NCAPG2: variants seen among roughly 807,000 people sequenced by gnomAD.
NCAPG2 encodes the protein non-SMC condensin II complex subunit G2, also known as condensin-2 complex subunit G2.
Under a neutral mutation model 141.1 loss-of-function variants are expected in NCAPG2, and 53 were observed. That is an observed-to-expected ratio of 0.38 (90% confidence interval 0.30 to 0.47). The LOEUF is 0.47. Ranked by LOEUF, NCAPG2 falls within the 20% of genes least tolerant of loss-of-function variation. NCAPG2 has a pLI of 0.99. For synonymous variants in NCAPG2, 499 were observed against 490.7 expected (o/e 1.02, Z -0.22); for missense variants, 1,087 against 1,389.0 (o/e 0.78, Z 3.46).
intron 13 of NCAPG2, among the ~76,000 whole-genome samples, chr7:158,665,972 G>A (rs983706591): frequency 6.7e-6 from 1 of 148,980 alleles, no homozygotes; most frequent in African/African-American, 2.5e-5. Flanking sequence ...AATCCCACAC[G>A]GGGCAGTTTA....
At chr7:158,645,101 CTAAGGCTTACGA>C (rs1830913285) in intron 26 of NCAPG2, among the ~76,000 whole-genome samples, 1 of 152,154 alleles carries the variant, frequency 6.6e-6, no homozygotes, top group African/African-American at 2.4e-5. Context: ...ATAGGCAAGG[CTAAGGCTTACGA>C]GAAATAGTAG....
chr7:158,670,038 G>GT (rs1295012330), intron 13 of NCAPG2, among the ~76,000 whole-genome samples: 2 of 151,970 alleles, frequency 1.3e-5, no homozygotes, highest in African/African-American at 4.8e-5. Context: ...AAGACTTACT[G>GT]TAAGATCCAC....
At chr7:158,692,289 AG>A (rs1274938295) in intron 4 of NCAPG2, among the ~76,000 whole-genome samples, 4 of 149,754 alleles carry the variant, frequency 2.7e-5, no homozygotes, top group African/African-American at 9.9e-5. Context: ...CATAGGCAAC[AG>A]GGCGAGATTC....
Position 158,631,542 on chromosome 7 carries a change from CA to C in NCAPG2, c.*123del. On this transcript the variant is annotated 3_prime_UTR_variant, in exon 28 of 28. Coordinates refer to ENST00000356309, the MANE Select transcript of NCAPG2 (RefSeq NM_017760.7). Reference sequence around the variant, plus strand: ...TAACCCCCACCTTCCCACATTCCCACAAAAAAATCCCACCCTTTCCCTATTA... The same window carrying C: ...TAACCCCCACCTTCCCACATTCCCACAAAAAATCCCACCCTTTCCCTATTA... 3 of 979,596 alleles carry C rather than the reference CA, an allele frequency of 3.1e-6. No homozygotes were observed. Among genetic ancestry groups the C allele is most frequent in the East Asian group, 2.4e-5 (1 of 41,540 alleles). The allele number at this position is 979,596 out of a possible 1,614,324, so 60.7% of individuals were successfully genotyped here.
chr7:158,697,699 A>G (rs1334416390), intron 2 of NCAPG2, among the ~76,000 whole-genome samples: 4 of 152,232 alleles, frequency 2.6e-5, no homozygotes, highest in Admixed American at 2.6e-4. Context: ...CTAAATGCCC[A>G]TCAATGATAG....
intron 12 of NCAPG2, among the ~76,000 whole-genome samples, chr7:158,674,528 A>C (rs552370230): frequency 6.6e-6 from 1 of 152,272 alleles, no homozygotes; most frequent in East Asian, 1.9e-4. Context: ...GAACTCAAGC[A>C]ATCCACCTGT....
At chr7:158,644,007 AATGTCT>A (rs72376633) in intron 27 of NCAPG2, among the ~76,000 whole-genome samples, 2,633 of 152,324 alleles carry the variant, frequency 0.017, 73 homozygotes, top group African/African-American at 0.061. Context: ...CACCAAAAAT[AATGTCT>A]GATTTTAAAA....
At chr7:158,660,362 A>C (rs937151659) in intron 16 of NCAPG2, among the ~76,000 whole-genome samples, 2 of 147,794 alleles carry the variant, frequency 1.4e-5, no homozygotes, top group African/African-American at 5.0e-5. Context: ...ATTCTGAAAT[A>C]ATGCTGGTTT....
chr7:158,645,304 G>T (rs1393449279), intron 26 of NCAPG2, among the ~76,000 whole-genome samples: 4 of 152,194 alleles, frequency 2.6e-5, no homozygotes, highest in African/African-American at 7.2e-5. Flanking sequence ...GAGTGAGCAA[G>T]CTGATATAAA....
In NCAPG2 at chr7:158,660,429, T is replaced by A. The variant is rs1020034521; in HGVS notation, c.1989+1765A>T. On this transcript the variant is annotated intron_variant, in intron 16 of 27. Transcript: ENST00000356309. The stretch of plus-strand genomic sequence containing the variant: ...TTTTTTTTTTTTTTTTTTTTTTTTT[T>A]AAAAGAGGCAGGGTCTCACTCTGTT... 6.8e-4 allele frequency among the ~76,000 whole-genome samples: 62 copies of A among 91,398 alleles called. 1 individual carries two copies. In the East Asian group the frequency reaches 8.1e-3, roughly 12 times the overall value. 60.0% of individuals were successfully genotyped at this position (91,398 alleles called of 152,430 possible).
rs116868756 is a variant in NCAPG2, at chr7:158,654,509, G to T, written c.2746+86C>A. 6,387 of 1,297,578 alleles carry T rather than the reference G, an allele frequency of 4.9e-3. 23 individuals carry two copies. The highest frequency in any genetic ancestry group is 6.2e-3 in the Non-Finnish European group (5,888 of 952,626). The allele number at this position is 1,297,578 out of a possible 1,614,324, so 80.4% of individuals were successfully genotyped here. The stretch of plus-strand genomic sequence containing the variant: ...GCATTATAATCAGTCACTTAAAAGT[G>T]AGAGTTCTGAGCTACACAGTAAAGG... On this transcript the variant is annotated intron_variant, in intron 22 of 27. Transcript: ENST00000356309.
chr7:158,667,050 T>C, intron 13 of NCAPG2: 1 of 860,468 alleles, frequency 1.2e-6, no homozygotes. Flanking sequence ...ACAGCTGTCC[T>C]CTGGCCAGCC....
At chr7:158,691,342 A>T (rs989410901) in intron 4 of NCAPG2, among the ~76,000 whole-genome samples, 2 of 152,230 alleles carry the variant, frequency 1.3e-5, no homozygotes, top group African/African-American at 4.8e-5. Flanking sequence ...TGTTAGCACT[A>T]ATCATTTCAC....
Position 158,687,450 on chromosome 7 carries a change from T to TA in NCAPG2, c.673-9dup. The TA allele has an allele frequency of 6.4e-7, 1 of 1,569,490 alleles. No individual in the cohort carries two copies. The highest frequency in any genetic ancestry group is 1.2e-5 in the South Asian group (1 of 86,268). On this transcript the variant is annotated splice_polypyrimidine_tract_variant and intron_variant, in intron 6 of 27. Transcript: ENST00000356309. ...ACTAAGAAATCTTCTTCCCTAGAAA[T>TA]AAAAAAGGATAGAATGTTTACATTG...
chr7:158,655,204 A>G lies in NCAPG2; in HGVS notation c.2560T>C (p.Leu854=), dbSNP rs1831816798. ...LSMLEDTGFW[L]ESKILSFIQD... The stretch of plus-strand genomic sequence containing the variant: ...ATAAAAGATAAAATTTTGCTTTCTA[A>G]CCAAAAGCCAGTGTCTTCCAACATG... Residue 854 remains leucine (L), a synonymous_variant, in exon 21 of 28, where the codon TTA becomes CTA. Coordinates refer to ENST00000356309, the MANE Select transcript of NCAPG2 (RefSeq NM_017760.7). The G allele has an allele frequency of 6.2e-7, 1 of 1,614,060 alleles. No individual in the cohort carries two copies. Among genetic ancestry groups the G allele is most frequent in the African/African-American group, 1.3e-5 (1 of 74,936 alleles).
chr7:158,662,055 G>A (rs918076546), intron 16 of NCAPG2, 139 bp downstream of exon 16: 2 of 798,114 alleles, frequency 2.5e-6, no homozygotes, highest in South Asian at 5.0e-5. Flanking sequence ...TATACTGCAA[G>A]GTAAACACTA....
chr7:158,639,581 C>T (rs2129456382), intron 27 of NCAPG2, among the ~76,000 whole-genome samples: 1 of 151,916 alleles, frequency 6.6e-6, no homozygotes, highest in East Asian at 1.9e-4. Context: ...TGTAAATTAC[C>T]AAAATTTATT....
intron 16 of NCAPG2, 105 bp from the exon 17 acceptor site, chr7:158,658,513 G>T: frequency 2.0e-6 from 2 of 993,980 alleles, no homozygotes; most frequent in Non-Finnish European, 1.4e-6. Flanking sequence ...AGTTGCTCAA[G>T]AAGAACCATG....
chr7:158,681,475 C>T (rs891392191), intron 9 of NCAPG2, among the ~76,000 whole-genome samples: 5 of 152,212 alleles, frequency 3.3e-5, no homozygotes, highest in Non-Finnish European at 5.9e-5. Flanking sequence ...TCTATTCACA[C>T]CTTTTGGGGC....
Sources: allele counts gnomAD v4.1 joint callset (sites outside exome capture counted in the v4.1 genomes callset), GRCh38; gene constraint gnomAD v4.1.1; transcripts MANE v1.5; gene names NCBI Gene and HGNC (gene_info 2026-07-23, HGNC 2026-07-21).